ADGRB3: variants seen among roughly 807,000 people sequenced by gnomAD.
ADGRB3 encodes brain-specific angiogenesis inhibitor 3.
A neutral mutation model predicts 193.4 loss-of-function variants in ADGRB3; 37 were observed. The ratio of observed to expected loss-of-function variants is 0.19; its 90% CI spans 0.15 to 0.25. The LOEUF (loss-of-function observed/expected upper bound fraction) is 0.25, where lower values mean the gene tolerates loss of function less well. Among genes scored for constraint, ADGRB3 ranks in the 10% least tolerant of loss-of-function variants. The pLI is 1.00. For synonymous variants in ADGRB3, 690 were observed against 644.2 expected (o/e 1.07, Z -1.08); for missense variants, 1,637 against 1,852.9 (o/e 0.88, Z 2.14).
Position 69,296,560 on chromosome 6 carries a change from G to A in ADGRB3, c.2815-28312G>A, listed in dbSNP as rs1166757805. On this transcript the variant is annotated intron_variant, in intron 20 of 31. Coordinates refer to ENST00000370598, the MANE Select transcript of ADGRB3 (RefSeq NM_001704.3). ...GCTCAAGTAATGTTCCAACACAGGA[G>A]GCAAAGAAAACGCATTATCTGAAAA... is the stretch of plus-strand genomic sequence containing the variant. Among the ~76,000 whole-genome samples the A allele has an allele frequency of 3.3e-5, 5 of 152,060 alleles. No individual in the cohort carries two copies. The East Asian group carries it at 9.7e-4, about 29-fold the overall frequency.
chr6:69,313,203 A>T (rs770596997), intron 20 of ADGRB3, among the ~76,000 whole-genome samples: 1 of 151,876 alleles, frequency 6.6e-6, no homozygotes, highest in African/African-American at 2.4e-5. Context: ...CCCTAGACAG[A>T]TTACATCAGA....
chr6:69,134,766 A>G (rs559243840), intron 17 of ADGRB3, among the ~76,000 whole-genome samples: 60 of 152,052 alleles, frequency 3.9e-4, no homozygotes, highest in African/African-American at 1.4e-3. Flanking sequence ...GTGTGTATAT[A>G]TATATACCTA....
In ADGRB3 at chr6:68,638,949, C is replaced by A; in HGVS notation, c.274C>A (p.His92Asn). The A allele has an allele frequency of 1.9e-6, 3 of 1,614,026 alleles. No individual in the cohort carries two copies. The highest frequency in any genetic ancestry group is 1.3e-5 in the African/African-American group (1 of 75,042). ...TTCACTCCTGGCTTATCAGTTTGATCATTTTTCCCATGAAAAAATAAAGGA... is the reference window on the plus strand; with the variant it reads ...TTCACTCCTGGCTTATCAGTTTGATAATTTTTCCCATGAAAAAATAAAGGA... ...NFSLLAYQFD[H>N]FSHEKIKDLL... The change falls in exon 3 of 32, where the codon CAT (histidine) becomes AAT (asparagine). Residue 92 changes from histidine (H) to asparagine (N), a missense_variant. Physicochemically the swap from His to Asn is moderately conservative, Grantham distance 68. Transcript: ENST00000370598.
chr6:69,059,957 A>G (rs1204237518), intron 15 of ADGRB3, among the ~76,000 whole-genome samples: 1 of 152,112 alleles, frequency 6.6e-6, no homozygotes, highest in African/African-American at 2.4e-5. Flanking sequence ...ATGAGGACAT[A>G]TAAATGATAG....
chr6:68,976,643 G>T (rs1449684349), intron 10 of ADGRB3, among the ~76,000 whole-genome samples: 1 of 152,064 alleles, frequency 6.6e-6, no homozygotes, highest in Non-Finnish European at 1.5e-5. Flanking sequence ...CTAGAGAAAA[G>T]AAAATGTTAT....
intron 15 of ADGRB3, among the ~76,000 whole-genome samples, chr6:69,054,172 T>C (rs1474288512): frequency 6.6e-6 from 1 of 152,110 alleles, no homozygotes; most frequent in Non-Finnish European, 1.5e-5. Flanking sequence ...AGTGTCTTCA[T>C]AAACCAAAAG....
intron 3 of ADGRB3, among the ~76,000 whole-genome samples, chr6:68,798,105 A>C (rs2127369574): frequency 6.6e-6 from 1 of 152,284 alleles, no homozygotes; most frequent in South Asian, 2.1e-4. Context: ...TCCTCTCCTC[A>C]GCAATAAAAT....
At chr6:69,122,511 T>A (rs1773740745) in intron 17 of ADGRB3, among the ~76,000 whole-genome samples, 1 of 119,638 alleles carries the variant, frequency 8.4e-6, no homozygotes, top group African/African-American at 3.0e-5. Context: ...GAGGGAGAGG[T>A]GCAGTTATCT....
chr6:69,071,870 C>T (rs1772090296), intron 16 of ADGRB3, among the ~76,000 whole-genome samples: 1 of 152,092 alleles, frequency 6.6e-6, no homozygotes, highest in South Asian at 2.1e-4. Flanking sequence ...CGTGTCATTA[C>T]ATTTTGTTAT....
chr6:69,128,891 C>T (rs766100280), intron 17 of ADGRB3, among the ~76,000 whole-genome samples: 1 of 152,180 alleles, frequency 6.6e-6, no homozygotes, highest in Non-Finnish European at 1.5e-5. Flanking sequence ...AATGTCTTCT[C>T]ACTTCAAGTT....
intron 17 of ADGRB3, among the ~76,000 whole-genome samples, chr6:69,123,806 A>G (rs773747273): frequency 1.3e-3 from 194 of 152,296 alleles, no homozygotes; most frequent in Admixed American, 2.0e-3. Flanking sequence ...AGGGTGGTCA[A>G]TGTGACCACA....
chr6:69,302,011 T>TA (rs935086378), intron 20 of ADGRB3, among the ~76,000 whole-genome samples: 3 of 151,890 alleles, frequency 2.0e-5, no homozygotes, highest in Non-Finnish European at 4.4e-5. Flanking sequence ...GATTTAGCTT[T>TA]AAAAAATGTC....
intron 20 of ADGRB3, among the ~76,000 whole-genome samples, chr6:69,297,368 TTCTCTC>T (rs70987459): frequency 1.0e-4 from 10 of 97,614 alleles, no homozygotes; most frequent in African/African-American, 1.6e-4. Flanking sequence ...CTCTCTCTCT[TTCTCTC>T]TCTCTCTCTC....
intron 3 of ADGRB3, among the ~76,000 whole-genome samples, chr6:68,852,368 C>T (rs1410980047): frequency 6.6e-6 from 1 of 151,826 alleles, no homozygotes; most frequent in Non-Finnish European, 1.5e-5. Flanking sequence ...ATATTGAATA[C>T]ATTAAGTAAC....
At chr6:69,056,007 T>G (rs778747825) in intron 15 of ADGRB3, among the ~76,000 whole-genome samples, 6 of 152,066 alleles carry the variant, frequency 3.9e-5, no homozygotes, top group Non-Finnish European at 8.8e-5. Flanking sequence ...ATTTTTGTAT[T>G]TTTAATAGAG....
Position 69,265,579 on chromosome 6 carries a change from G to A in ADGRB3, c.2814+26353G>A, listed in dbSNP as rs137979069. On this transcript the variant is annotated intron_variant, in intron 20 of 31. Transcript: ENST00000370598. ...CTCTAAATTGAATTTGATTTAGATG[G>A]AAAGTTACCAAATTACGTGTTCCAA... is the stretch of plus-strand genomic sequence containing the variant. Among the ~76,000 whole-genome samples the A allele has an allele frequency of 1.5e-4, 23 of 151,998 alleles. No individual in the cohort carries two copies. In the East Asian group the frequency reaches 4.2e-3, roughly 28 times the overall value.
At chr6:68,654,441 A>G (rs925658488) in intron 3 of ADGRB3, among the ~76,000 whole-genome samples, 1 of 151,998 alleles carries the variant, frequency 6.6e-6, no homozygotes, top group Non-Finnish European at 1.5e-5. Flanking sequence ...AATAGTACAC[A>G]TAGGCCATTG....
intron 3 of ADGRB3, among the ~76,000 whole-genome samples, chr6:68,698,312 T>C (rs1434886047): frequency 2.0e-5 from 3 of 151,924 alleles, no homozygotes; most frequent in Non-Finnish European, 4.4e-5. Flanking sequence ...GTTTAGAGAA[T>C]GTTTAAATGA....
intron 24 of ADGRB3, among the ~76,000 whole-genome samples, chr6:69,333,407 A>C (rs1036698765): frequency 5.3e-5 from 8 of 152,158 alleles, no homozygotes; most frequent in Admixed American, 2.0e-4. Context: ...AGCAAACCTA[A>C]ACAGGGCAAA....
Sources: allele counts gnomAD v4.1 joint callset (sites outside exome capture counted in the v4.1 genomes callset), GRCh38; gene constraint gnomAD v4.1.1; transcripts MANE v1.5; gene names NCBI Gene and HGNC (gene_info 2026-07-23, HGNC 2026-07-21).